ITGAV: variants seen among roughly 807,000 people sequenced by gnomAD.
The protein encoded by ITGAV is integrin subunit alpha V, also known as integrin alpha-V.
A neutral mutation model predicts 143.8 loss-of-function variants in ITGAV; 76 were observed. That is an observed-to-expected ratio of 0.53 (90% confidence interval 0.44 to 0.64). ITGAV has a LOEUF of 0.64. ITGAV is among the 30% of genes least tolerant of loss of function. The pLI, the probability that ITGAV is intolerant of heterozygous loss-of-function variation, is 0.00. For synonymous variants in ITGAV, 453 were observed against 446.7 expected (o/e 1.01, Z -0.18); for missense variants, 1,193 against 1,274.7 (o/e 0.94, Z 0.98).
Position 186,610,126 on chromosome 2 carries a change from A to G in ITGAV, c.316+7975A>G, listed in dbSNP as rs545763650. On this transcript the variant is annotated intron_variant, in intron 2 of 29. Transcript: ENST00000261023. ...GTCACTTTTTTGGTAAAATGATAGAAGTTACATGAAATAATGAATATTATC... is the reference window on the plus strand; with the variant it reads ...GTCACTTTTTTGGTAAAATGATAGAGGTTACATGAAATAATGAATATTATC... Among the ~76,000 whole-genome samples, 492 of 152,286 alleles carry G rather than the reference A, an allele frequency of 3.2e-3. 1 individual carries two copies. The highest frequency in any genetic ancestry group is 5.3e-3 in the Non-Finnish European group (358 of 68,002).
intron 1 of ITGAV, among the ~76,000 whole-genome samples, chr2:186,595,368 T>A (rs1686719993): frequency 6.6e-6 from 1 of 152,228 alleles, no homozygotes; most frequent in Non-Finnish European, 1.5e-5. Context: ...ATTCCGTGAA[T>A]CAACTGCCCT....
rs1559072077 is a variant in ITGAV at position 186,676,885 on chromosome 2, G to T, written c.3001G>T (p.Val1001Phe). ...PVPVWVIILAVLAGLLLLAVL... is the reference protein window; with the variant it reads ...PVPVWVIILAFLAGLLLLAVL... ...GCCTGTGTGGGTGATCATTTTAGCA[G>T]TTCTAGCAGGATTGTTGCTACTGGC... Residue 1001 changes from valine to phenylalanine, a missense_variant, in exon 29 of 30, where the codon GTT becomes TTT. Transcript: ENST00000261023. 6.2e-7 allele frequency: 1 copy of T among 1,614,070 alleles called. No homozygotes were observed. The highest frequency in any genetic ancestry group is 1.7e-5 in the Admixed American group (1 of 60,000).
At position 186,662,932 on chromosome 2, in the gene ITGAV, T is replaced by C. The variant is rs572120091; in HGVS notation, c.1858-836T>C. On this transcript the variant is annotated intron_variant, in intron 18 of 29. Coordinates refer to ENST00000261023, the MANE Select transcript of ITGAV (RefSeq NM_002210.5). ...TCTCTCTTCTTTTTGTCTGCTTCTGTGCTTGAAGCCCTTTGGATGTTACCA... is the reference window on the plus strand; with the variant it reads ...TCTCTCTTCTTTTTGTCTGCTTCTGCGCTTGAAGCCCTTTGGATGTTACCA... Among the ~76,000 whole-genome samples the C allele has an allele frequency of 5.3e-5, 8 of 152,282 alleles. No homozygotes were observed. In the South Asian group the frequency reaches 1.7e-3, roughly 32 times the overall value.
chr2:186,649,759 T>G (rs1046851061), intron 13 of ITGAV, 81 bp from the exon 14 acceptor site: 2 of 944,712 alleles, frequency 2.1e-6, no homozygotes, highest in Non-Finnish European at 3.1e-6. Flanking sequence ...CCTTTTTATA[T>G]TCATTGAAAA....
chr2:186,674,254 G>C (rs1365236429), intron 26 of ITGAV, among the ~76,000 whole-genome samples: 1 of 152,120 alleles, frequency 6.6e-6, no homozygotes, highest in African/African-American at 2.4e-5. Flanking sequence ...GAAGTTACAG[G>C]TGTGAGCCAC....
In ITGAV at chr2:186,625,669, G is replaced by GTGTGTGTA. The variant is rs1553501198; in HGVS notation, c.523+89_523+90insATGTGTGT. 3.4e-3 allele frequency: 2,004 copies of GTGTGTGTA among 593,374 alleles called. 29 individuals carry two copies. The African/African-American group carries it at 0.038, about 11-fold the overall frequency. The allele number at this position is 593,374 out of a possible 1,614,324, so 36.8% of individuals were successfully genotyped here. A position where few individuals can be genotyped will look rare whatever the true frequency, so the allele number is the denominator to read the frequency against. ...TAAAAATATGTGTGTGTGGGTGTGT[G>GTGTGTGTA]TGTGTGTGTGAGAGAGAGAGATATT... is the stretch of plus-strand genomic sequence containing the variant. On this transcript the variant is annotated intron_variant, in intron 4 of 29. Coordinates refer to ENST00000261023, the MANE Select transcript of ITGAV (RefSeq NM_002210.5).
At chr2:186,648,097 T>G (rs1370196783) in intron 13 of ITGAV, among the ~76,000 whole-genome samples, 1 of 152,234 alleles carries the variant, frequency 6.6e-6, no homozygotes, top group South Asian at 2.1e-4. Flanking sequence ...ATTATTCTTC[T>G]AAAACATGAA....
At chr2:186,663,177 A>G (rs1688794951) in intron 18 of ITGAV, among the ~76,000 whole-genome samples, 2 of 152,094 alleles carry the variant, frequency 1.3e-5, no homozygotes, top group East Asian at 1.9e-4. Context: ...GTTAACTATA[A>G]TGCTTCAAGT....
chr2:186,624,309 T>G (rs569870482), intron 3 of ITGAV, among the ~76,000 whole-genome samples: 9 of 152,142 alleles, frequency 5.9e-5, no homozygotes, highest in Admixed American at 2.0e-4. Context: ...TTGCCTTTAT[T>G]TTTTCATCTA....
At chr2:186,649,699 T>G in intron 13 of ITGAV, 141 bp from the exon 14 acceptor site, 1 of 503,098 alleles carries the variant, frequency 2.0e-6, no homozygotes, top group South Asian at 4.1e-5. Context: ...TATTTTAGCC[T>G]TTTATATGAT....
intron 4 of ITGAV, among the ~76,000 whole-genome samples, chr2:186,630,483 G>C (rs1178952811): frequency 3.3e-5 from 5 of 151,760 alleles, no homozygotes; most frequent in African/African-American, 1.2e-4. Context: ...AATGGGTGTT[G>C]GGTTGTGATA....
chr2:186,594,140 T>C (rs1384124582), intron 1 of ITGAV, among the ~76,000 whole-genome samples: 1 of 152,224 alleles, frequency 6.6e-6, no homozygotes, highest in East Asian at 1.9e-4. Context: ...ACTCTTGCCC[T>C]GGCTGTATCT....
intron 19 of ITGAV, 139 bp from the exon 20 acceptor site, chr2:186,664,355 C>T (rs1424197975): frequency 5.2e-6 from 4 of 765,410 alleles, no homozygotes; most frequent in Non-Finnish European, 6.2e-6. Flanking sequence ...TTCTATCAAG[C>T]TGTGAAGTAG....
Position 186,627,425 on chromosome 2 carries a change from C to T in ITGAV, c.523+1838C>T, listed in dbSNP as rs192751966. On this transcript the variant is annotated intron_variant, in intron 4 of 29. Transcript: ENST00000261023. ...AGCACAGCTTTTCTACAAAGAATAC[C>T]TCCTGCTTTCATGACCTAGGTTTGG... is the stretch of plus-strand genomic sequence containing the variant. Among the ~76,000 whole-genome samples, 570 of 152,242 alleles carry T rather than the reference C, an allele frequency of 3.7e-3. 4 individuals are homozygous for T. Among genetic ancestry groups the T allele is most frequent in the Non-Finnish European group, 3.6e-3 (246 of 68,020 alleles).
chr2:186,657,005 CACACACACACACACACACAG>C lies in ITGAV; in HGVS notation c.1719+606_1719+625del, dbSNP rs1249034347. On this transcript the variant is annotated intron_variant, in intron 17 of 29. Coordinates refer to ENST00000261023, the MANE Select transcript of ITGAV (RefSeq NM_002210.5). ...TTCATTAAACACACACACACACACA[CACACACACACACACACACAG>C]AAGCCACTAGAAGAAGCATCAGATT... Among the ~76,000 whole-genome samples, 3 of 141,310 alleles carry C rather than the reference CACACACACACACACACACAG, an allele frequency of 2.1e-5. No individual in the cohort carries two copies. The East Asian group carries it at 1.1e-3, about 51-fold the overall frequency. The allele number at this position is 141,310 out of a possible 152,430, so 92.7% of individuals were successfully genotyped here.
At chr2:186,646,961 A>T in intron 13 of ITGAV, 84 bp downstream of exon 13, 5 of 925,834 alleles carry the variant, frequency 5.4e-6, no homozygotes, top group Non-Finnish European at 7.8e-6. Flanking sequence ...GATTTATGTT[A>T]TAAATTATTG....
intron 4 of ITGAV, among the ~76,000 whole-genome samples, chr2:186,626,540 C>T (rs1441947103): frequency 2.0e-5 from 3 of 152,176 alleles, no homozygotes; most frequent in Non-Finnish European, 2.9e-5. Flanking sequence ...GACTCTTACT[C>T]CTACATTTGT....
chr2:186,645,742 T>G (rs1257369177), intron 12 of ITGAV, among the ~76,000 whole-genome samples: 1 of 151,950 alleles, frequency 6.6e-6, no homozygotes, highest in Non-Finnish European at 1.5e-5. Context: ...CCGAGGTGTG[T>G]GGATCACGAG....
At chr2:186,655,936 G>C (rs1688570029) in intron 16 of ITGAV, among the ~76,000 whole-genome samples, 1 of 152,038 alleles carries the variant, frequency 6.6e-6, no homozygotes, top group Non-Finnish European at 1.5e-5. Flanking sequence ...TCATCCTCTG[G>C]ATTTCCTCCT....
Sources: gnomAD v4.1 joint callset for allele counts (sites outside exome capture counted in the v4.1 genomes callset) on GRCh38, gnomAD v4.1.1 for gene constraint, MANE v1.5 for transcripts, NCBI Gene and HGNC (gene_info 2026-07-23, HGNC 2026-07-21) for gene names.